RYR3: variants seen among roughly 807,000 people sequenced by gnomAD.
RYR3 encodes brain ryanodine receptor-calcium release channel.
RYR3 carries 207 observed loss-of-function variants against 584.3 expected under a neutral mutation model. The ratio of observed to expected loss-of-function variants is 0.35; its 90% CI spans 0.32 to 0.40. The LOEUF is 0.40. RYR3 is among the 10% of genes least tolerant of loss of function. The pLI, the probability that RYR3 is intolerant of heterozygous loss-of-function variation, is 1.00. For synonymous variants in RYR3, 2,416 were observed against 2,248.5 expected, an observed-to-expected ratio of 1.07 and a Z score of -2.11; for missense variants, 5,616 against 6,089.2, an observed-to-expected ratio of 0.92 and a Z score of 2.59.
intron 80 of RYR3, among the ~76,000 whole-genome samples, chr15:33,821,854 GTAGA>G (rs1365452543): frequency 6.6e-6 from 1 of 152,224 alleles, no homozygotes; most frequent in Non-Finnish European, 1.5e-5. Flanking sequence ...TTTTTCATCA[GTAGA>G]TAACTTTCTG....
chr15:33,588,394 GT>G (rs1219574673), intron 16 of RYR3, among the ~76,000 whole-genome samples: 1 of 152,116 alleles, frequency 6.6e-6, no homozygotes, highest in Non-Finnish European at 1.5e-5. Flanking sequence ...TGTGATTTTA[GT>G]TTTATAATTA....
chr15:33,470,029 G>A (rs2048807377), intron 1 of RYR3, among the ~76,000 whole-genome samples: 1 of 152,176 alleles, frequency 6.6e-6, no homozygotes, highest in African/African-American at 2.4e-5. Flanking sequence ...AGCTAGAGGT[G>A]TCAGGTAGAA....
intron 11 of RYR3, among the ~76,000 whole-genome samples, chr15:33,564,491 A>G (rs1050154769): frequency 1.3e-5 from 2 of 152,216 alleles, no homozygotes; most frequent in African/African-American, 4.8e-5. Flanking sequence ...GCTGGGAATA[A>G]GAACAAATCA....
At chr15:33,737,230 A>G (rs2069566465) in intron 49 of RYR3, among the ~76,000 whole-genome samples, 1 of 152,180 alleles carries the variant, frequency 6.6e-6, no homozygotes, top group Non-Finnish European at 1.5e-5. Context: ...AAGTGCTGGG[A>G]TTACAGCAGG....
At chr15:33,665,137 G>A (rs1274656502) in intron 36 of RYR3, among the ~76,000 whole-genome samples, 2 of 152,066 alleles carry the variant, frequency 1.3e-5, no homozygotes, top group East Asian at 1.9e-4. Flanking sequence ...TATTTCACTG[G>A]GCGTATTCTG....
At chr15:33,507,373 G>A (rs956275514) in intron 3 of RYR3, among the ~76,000 whole-genome samples, 1 of 152,162 alleles carries the variant, frequency 6.6e-6, no homozygotes, top group Non-Finnish European at 1.5e-5. Flanking sequence ...GGAGGACCTG[G>A]AGCAGAGAAC....
Position 33,630,038 on chromosome 15 carries a change from C to T in RYR3, c.2778C>T (p.Thr926=). The T allele has an allele frequency of 6.4e-7, 1 of 1,570,966 alleles. No individual in the cohort carries two copies. Among genetic ancestry groups the T allele is most frequent in the South Asian group, 1.2e-5 (1 of 85,920 alleles). The change falls in exon 22 of 104, where the codon ACC becomes ACT. Residue 926 remains threonine, a synonymous_variant. Transcript: ENST00000634891. ...KNYNLQMSTE[T]LKTLLALGCH... is the part of the protein sequence containing the mutation. ...ATAACCTGCAAATGTCAACTGAAACCTTAAAGTGAGTATTTAATTGAGCTG... is the reference window on the plus strand; with the variant it reads ...ATAACCTGCAAATGTCAACTGAAACTTTAAAGTGAGTATTTAATTGAGCTG...
intron 43 of RYR3, among the ~76,000 whole-genome samples, chr15:33,716,361 G>A (rs749037264): frequency 2.0e-5 from 3 of 152,208 alleles, no homozygotes; most frequent in Non-Finnish European, 4.4e-5. Flanking sequence ...AGTATAAAGC[G>A]TGTACAGTCT....
At chr15:33,586,781 C>G (rs2058870732) in intron 16 of RYR3, among the ~76,000 whole-genome samples, 2 of 152,164 alleles carry the variant, frequency 1.3e-5, no homozygotes, top group Admixed American at 6.5e-5. Context: ...AGTTATATCT[C>G]TAAAACACAG....
chr15:33,382,319 C>CTTTTGTTTTTT (rs2041248752), intron 1 of RYR3, among the ~76,000 whole-genome samples: 1 of 104,780 alleles, frequency 9.5e-6, no homozygotes, highest in African/African-American at 4.1e-5. Context: ...TTAAAAGTGG[C>CTTTTGTTTTTT]TTTTTTTTTT....
chr15:33,822,006 C>T (rs969159594), intron 80 of RYR3, among the ~76,000 whole-genome samples: 4 of 150,430 alleles, frequency 2.7e-5, no homozygotes, highest in Non-Finnish European at 5.9e-5. Flanking sequence ...ACCTGTTATT[C>T]GTTCGTTCAT....
intron 2 of RYR3, among the ~76,000 whole-genome samples, chr15:33,474,344 C>A (rs1162290025): frequency 1.3e-5 from 2 of 152,136 alleles, no homozygotes; most frequent in Non-Finnish European, 2.9e-5. Flanking sequence ...GAAATTAGTT[C>A]TTGCAGTCGT....
intron 98 of RYR3, among the ~76,000 whole-genome samples, chr15:33,855,494 G>A (rs536261178): frequency 2.0e-5 from 3 of 152,288 alleles, no homozygotes; most frequent in South Asian, 2.1e-4. Context: ...GTGAGCCATC[G>A]TGCCCGGCCG....
rs138831585 is a variant in RYR3 at position 33,374,364 on chromosome 15, A to ATGTGTGTGTGTG, written c.51+63292_51+63303dup. 6.9e-3 allele frequency among the ~76,000 whole-genome samples: 997 copies of ATGTGTGTGTGTG among 145,018 alleles called. 7 individuals are homozygous for ATGTGTGTGTGTG. Among genetic ancestry groups the ATGTGTGTGTGTG allele is most frequent in the Non-Finnish European group, 0.012 (788 of 65,892 alleles). On this transcript the variant is annotated intron_variant, in intron 1 of 103. Transcript: ENST00000634891. ...TCTGGCTTTCTTCCTGTACGAGTGT[A>ATGTGTGTGTGTG]TGTGTGTGTGTGTGTGTGTGTGTGT...
chr15:33,707,112 T>G, intron 43 of RYR3, 58 bp downstream of exon 43: 1 of 1,585,906 alleles, frequency 6.3e-7, no homozygotes, highest in Non-Finnish European at 8.6e-7. Context: ...CGTGGATACC[T>G]ACAAGGAAAA....
intron 12 of RYR3, among the ~76,000 whole-genome samples, chr15:33,569,855 C>CATTTCATCA (rs2057926252): frequency 1.3e-5 from 2 of 151,554 alleles, no homozygotes; most frequent in South Asian, 2.1e-4. Context: ...TGATACTGGA[C>CATTTCATCA]ATTTTATCAT....
chr15:33,854,137 A>G (rs892570047), intron 96 of RYR3, among the ~76,000 whole-genome samples: 1 of 151,330 alleles, frequency 6.6e-6, no homozygotes, highest in East Asian at 1.9e-4. Flanking sequence ...TGGAGGTTGC[A>G]GTAAGCCAAG....
At chr15:33,848,444 C>G (rs764324947) in intron 94 of RYR3, 23 bp downstream of exon 94, 9 of 1,595,630 alleles carry the variant, frequency 5.6e-6, no homozygotes, top group Non-Finnish European at 6.8e-6. Flanking sequence ...CTACCCCAAC[C>G]TAAAAAGGAG....
At chr15:33,612,000 C>T (rs540814554) in intron 18 of RYR3, among the ~76,000 whole-genome samples, 1 of 152,282 alleles carries the variant, frequency 6.6e-6, no homozygotes, top group Admixed American at 6.5e-5. Flanking sequence ...ATAATGAATA[C>T]ATATTATTTC....
Sources: gnomAD v4.1 joint callset for allele counts (sites outside exome capture counted in the v4.1 genomes callset) on GRCh38, gnomAD v4.1.1 for gene constraint, MANE v1.5 for transcripts, NCBI Gene and HGNC (gene_info 2026-07-23, HGNC 2026-07-21) for gene names.